MKX: variants seen among roughly 807,000 people sequenced by gnomAD.
The protein encoded by MKX is homeobox protein Mohawk.
MKX carries 13 observed loss-of-function variants against 36.0 expected under a neutral mutation model. The ratio of observed to expected loss-of-function variants is 0.36; its 90% CI spans 0.24 to 0.57. The LOEUF is 0.57. Ranked by LOEUF, MKX falls within the 20% of genes least tolerant of loss-of-function variation. MKX has a pLI of 0.79. For synonymous variants in MKX, 176 were observed against 178.3 expected (o/e 0.99, Z 0.10); for missense variants, 458 against 456.4 (o/e 1.00, Z -0.03).
At position 27,743,403 on chromosome 10, in the gene MKX, C is replaced by A. The variant is rs1291118259; in HGVS notation, c.13G>T (p.Val5Phe). 8.3e-6 allele frequency: 13 copies of A among 1,560,840 alleles called. No individual in the cohort carries two copies. Among genetic ancestry groups the A allele is most frequent in the Admixed American group, 3.9e-5 (2 of 51,460 alleles). ...ACCGCACCGCTGAGCTTGTTGAAGACGATGGTGTTCATGGTGTCGGTTGGT... is the reference window on the plus strand; with the variant it reads ...ACCGCACCGCTGAGCTTGTTGAAGAAGATGGTGTTCATGGTGTCGGTTGGT... MNTI[V>F]FNKLSGAVLF... is the part of the protein sequence containing the mutation. Residue 5 changes from valine (V) to phenylalanine (F), a missense_variant, in exon 2 of 7, where the codon GTC (valine) becomes TTC (phenylalanine). Val to Phe is a conservative substitution (Grantham distance 50). Transcript: ENST00000419761.
rs574101759 is a variant in MKX at position 27,687,482 on chromosome 10, A to G, written c.839-11928T>C. On this transcript the variant is annotated intron_variant, in intron 5 of 6. Coordinates refer to ENST00000419761, the MANE Select transcript of MKX (RefSeq NM_173576.3). ...GTGGGAAAGTGCTGCTTGGCTCCTTATGTTAGGGAGCTACAGCCCTGGCTG... is the reference window on the plus strand; with the variant it reads ...GTGGGAAAGTGCTGCTTGGCTCCTTGTGTTAGGGAGCTACAGCCCTGGCTG... Among the ~76,000 whole-genome samples the G allele has an allele frequency of 3.3e-5, 5 of 152,196 alleles. No homozygotes were observed. In the South Asian group the frequency reaches 1.0e-3, roughly 32 times the overall value.
chr10:27,684,170 C>A (rs1157223446), intron 5 of MKX, among the ~76,000 whole-genome samples: 1 of 151,988 alleles, frequency 6.6e-6, no homozygotes, highest in African/African-American at 2.4e-5. Context: ...TGAAAATTAG[C>A]CAGGCATGGT....
chr10:27,692,412 T>C (rs1291808196), intron 5 of MKX, among the ~76,000 whole-genome samples: 1 of 152,206 alleles, frequency 6.6e-6, no homozygotes, highest in Admixed American at 6.5e-5. Flanking sequence ...CATTGTAATA[T>C]ATTACAAGAT....
intron 5 of MKX, among the ~76,000 whole-genome samples, chr10:27,706,544 C>CGT (rs1836759027): frequency 1.1e-5 from 1 of 88,148 alleles, no homozygotes; most frequent in Non-Finnish European, 2.4e-5. Context: ...CTCGTTAATT[C>CGT]CTGTGTGTGT....
intron 5 of MKX, among the ~76,000 whole-genome samples, chr10:27,699,008 A>C (rs1836605994): frequency 6.6e-6 from 1 of 152,282 alleles, no homozygotes; most frequent in Non-Finnish European, 1.5e-5. Context: ...CCAGTCTTGA[A>C]AGATGAATTA....
intron 5 of MKX, among the ~76,000 whole-genome samples, chr10:27,684,657 T>C (rs1304721429): frequency 1.3e-5 from 2 of 152,244 alleles, no homozygotes; most frequent in African/African-American, 4.8e-5. Context: ...GGATTTTGCC[T>C]GTGAAATAGA....
At chr10:27,738,090 T>C (rs572776777) in intron 3 of MKX, among the ~76,000 whole-genome samples, 8 of 152,206 alleles carry the variant, frequency 5.3e-5, no homozygotes, top group Admixed American at 3.3e-4. Context: ...CATTAGGTGA[T>C]TTTCCAGAAA....
At chr10:27,719,305 C>T (rs2132610812) in intron 5 of MKX, among the ~76,000 whole-genome samples, 1 of 152,222 alleles carries the variant, frequency 6.6e-6, no homozygotes, top group African/African-American at 2.4e-5. Flanking sequence ...CTTCTCCCAA[C>T]AGGGCACAGA....
intron 5 of MKX, 31 bp downstream of exon 5, chr10:27,734,425 G>A (rs377522552): frequency 1.8e-5 from 28 of 1,580,984 alleles, no homozygotes; most frequent in African/African-American, 8.1e-5. Flanking sequence ...AACAGGTATC[G>A]CAGGAATTAC....
intron 5 of MKX, among the ~76,000 whole-genome samples, chr10:27,729,097 T>A (rs1834559872): frequency 1.3e-5 from 2 of 152,180 alleles, no homozygotes; most frequent in African/African-American, 4.8e-5. Context: ...CCCGATTAAT[T>A]CATACTAACA....
chr10:27,686,153 T>G (rs1836343709), intron 5 of MKX, among the ~76,000 whole-genome samples: 1 of 152,134 alleles, frequency 6.6e-6, no homozygotes, highest in Non-Finnish European at 1.5e-5. Flanking sequence ...GATCTGGAGA[T>G]AGGAGAGCTT....
At chr10:27,711,455 CTT>C (rs1242126531) in intron 5 of MKX, among the ~76,000 whole-genome samples, 7 of 14,342 alleles carry the variant, frequency 4.9e-4, no homozygotes, top group Admixed American at 1.2e-3. Context: ...TTCTTTCTTT[CTT>C]TCTTTCTTTC....
Position 27,694,527 on chromosome 10 carries a change from A to AAATAT in MKX, c.839-18974_839-18973insATATT, listed in dbSNP as rs547670335. On this transcript the variant is annotated intron_variant, in intron 5 of 6. Transcript: ENST00000419761. ...AACCCCGTCTCTACTAAAAAAAAAA[A>AAATAT]ATATATATATATATATAAATTAGCC... 1.2e-3 allele frequency among the ~76,000 whole-genome samples: 135 copies of AAATAT among 114,336 alleles called. 1 individual carries two copies. The highest frequency in any genetic ancestry group is 3.9e-3 in the African/African-American group (117 of 30,090). The allele number at this position is 114,336 out of a possible 152,430, so 75.0% of individuals were successfully genotyped here.
intron 5 of MKX, among the ~76,000 whole-genome samples, chr10:27,732,115 T>A (rs977111920): frequency 3.9e-5 from 6 of 152,204 alleles, no homozygotes; most frequent in African/African-American, 1.4e-4. Context: ...AGTATCAGTA[T>A]TATAAAGAAA....
intron 3 of MKX, among the ~76,000 whole-genome samples, chr10:27,735,581 A>C (rs1299522593): frequency 2.0e-5 from 3 of 151,980 alleles, no homozygotes; most frequent in Non-Finnish European, 4.4e-5. Context: ...TATTTGTGGA[A>C]TAAGGAAAAA....
intron 5 of MKX, among the ~76,000 whole-genome samples, chr10:27,695,023 A>C (rs1284455068): frequency 6.6e-6 from 1 of 152,050 alleles, no homozygotes; most frequent in African/African-American, 2.4e-5. Flanking sequence ...GTTATAGCCC[A>C]GCCTTGCATT....
intron 5 of MKX, among the ~76,000 whole-genome samples, chr10:27,712,644 T>C (rs1175991220): frequency 1.3e-5 from 2 of 152,174 alleles, no homozygotes; most frequent in East Asian, 1.9e-4. Context: ...TAGTGCTCTG[T>C]AGGAAATCAT....
At chr10:27,690,621 A>T (rs961686677) in intron 5 of MKX, among the ~76,000 whole-genome samples, 3 of 152,108 alleles carry the variant, frequency 2.0e-5, no homozygotes, top group Non-Finnish European at 4.4e-5. Flanking sequence ...TGCTGTGGGG[A>T]TAAAATGAGG....
intron 5 of MKX, among the ~76,000 whole-genome samples, chr10:27,688,186 TAA>T (rs980757729): frequency 2.1e-5 from 3 of 142,942 alleles, no homozygotes; most frequent in Non-Finnish European, 4.6e-5. Context: ...AAGTCCTTGT[TAA>T]AAAAAAAAAA....
Sources: allele counts gnomAD v4.1 joint callset (sites outside exome capture counted in the v4.1 genomes callset), GRCh38; gene constraint gnomAD v4.1.1; transcripts MANE v1.5; gene names NCBI Gene and HGNC (gene_info 2026-07-23, HGNC 2026-07-21).